The following AMD1 variants were observed in gnomAD, a reference collection of about 807,000 sequenced individuals.
The protein encoded by AMD1 is adenosylmethionine decarboxylase 1.
A neutral mutation model predicts 40.2 loss-of-function variants in AMD1; 11 were observed. That is an observed-to-expected ratio of 0.27 (90% CI 0.17 to 0.45). AMD1 has a LOEUF of 0.45. Ranked by LOEUF, AMD1 falls within the 20% of genes least tolerant of loss-of-function variation. The pLI, the probability that AMD1 is intolerant of heterozygous loss-of-function variation, is 1.00. For synonymous variants in AMD1, 121 were observed against 130.8 expected (o/e 0.93, Z 0.51); for missense variants, 257 against 410.2 (o/e 0.63, Z 3.23).
At chr6:110,887,676 C>T (rs1206667114) in intron 2 of AMD1, 85 bp downstream of exon 2, 4 of 1,009,074 alleles carry the variant, frequency 4.0e-6, no homozygotes, top group East Asian at 5.6e-5. Context: ...AGTTGTAGTT[C>T]TGGGGGTTTT....
At chr6:110,889,018 T>C (rs1466845892) in intron 3 of AMD1, 35 bp downstream of exon 3, 1 of 1,606,128 alleles carries the variant, frequency 6.2e-7, no homozygotes, top group Non-Finnish European at 8.5e-7. Context: ...TTTTCAGGCA[T>C]AAATGTTAGC....
chr6:110,826,015 A>T, the AMD1 span, among the ~76,000 whole-genome samples: 1 of 151,906 alleles, frequency 6.6e-6, no homozygotes, highest in Non-Finnish European at 1.5e-5. Flanking sequence ...AAAAAATTAT[A>T]AAATTAGACA....
chr6:110,846,257 A>T, the AMD1 span, among the ~76,000 whole-genome samples: 1 of 152,126 alleles, frequency 6.6e-6, no homozygotes, highest in Non-Finnish European at 1.5e-5. Flanking sequence ...CAACAACAAA[A>T]ACTGAATTTA....
At chr6:110,884,044 C>T (rs1300313786) in intron 1 of AMD1, among the ~76,000 whole-genome samples, 1 of 152,146 alleles carries the variant, frequency 6.6e-6, no homozygotes, top group Non-Finnish European at 1.5e-5. Context: ...TGGATCTGAC[C>T]CTAAACAGCA....
the AMD1 span, among the ~76,000 whole-genome samples, chr6:110,861,238 G>C: frequency 6.6e-6 from 1 of 151,782 alleles, no homozygotes; most frequent in Non-Finnish European, 1.5e-5. Context: ...GGCGCCTGTA[G>C]TCCCAGCTAC....
intron 8 of AMD1, 82 bp from the exon 9 acceptor site, chr6:110,893,394 A>G (rs1786142008): frequency 1.3e-6 from 2 of 1,551,394 alleles, no homozygotes; most frequent in Middle Eastern, 1.7e-4. Flanking sequence ...TCATTAAGAT[A>G]AAAGTCTGTC....
At chr6:110,868,438 C>T in the AMD1 span, among the ~76,000 whole-genome samples, 1,625 of 152,182 alleles carry the variant, frequency 0.011, 28 homozygotes, top group African/African-American at 0.038. Context: ...CGTGAGCCAC[C>T]GGGCCCGGAC....
Position 110,893,070 on chromosome 6 carries a change from T to C in AMD1, c.864+5T>C, listed in dbSNP as rs1456870892. The C allele has an allele frequency of 1.9e-6, 3 of 1,585,396 alleles. No individual in the cohort carries two copies. The highest frequency in any genetic ancestry group is 2.6e-6 in the Non-Finnish European group (3 of 1,168,638). ...ACCACCTTGTTTGTTAATCAGGTAA[T>C]TTTATATTTTATTATTAATCAGGTT... On this transcript the variant is annotated splice_donor_5th_base_variant and intron_variant, in intron 8 of 8. Coordinates refer to ENST00000368885, the MANE Select transcript of AMD1 (RefSeq NM_001634.6).
the AMD1 span, chr6:110,858,594 A>G: frequency 5.7e-6 from 9 of 1,585,006 alleles, no homozygotes; most frequent in South Asian, 1.0e-4. Flanking sequence ...AACATGACGC[A>G]GCTGCAGGTG....
the AMD1 span, chr6:110,858,553 G>C: frequency 1.3e-6 from 2 of 1,597,808 alleles, no homozygotes; most frequent in Non-Finnish European, 1.7e-6. Context: ...CCGTGGACCT[G>C]TTCGATGCCA....
the AMD1 span, among the ~76,000 whole-genome samples, chr6:110,863,664 C>T: frequency 6.6e-6 from 1 of 152,080 alleles, no homozygotes; most frequent in African/African-American, 2.4e-5. Context: ...GCCACCGCGC[C>T]CGGCCTGATT....
At chr6:110,863,135 C>T in the AMD1 span, among the ~76,000 whole-genome samples, 3 of 151,456 alleles carry the variant, frequency 2.0e-5, no homozygotes, top group Non-Finnish European at 4.4e-5. Context: ...TTAGTAGAGA[C>T]GGGGTTTCAC....
At position 110,875,150 on chromosome 6, in the gene AMD1, G is replaced by A. The variant is rs368178349; in HGVS notation, c.45G>A (p.Glu15=). 12 of 1,613,508 alleles carry A rather than the reference G, an allele frequency of 7.4e-6. No homozygotes were observed. The African/African-American group carries it at 1.6e-4, about 22-fold the overall frequency. ...HFFEGTEKLL[E]VWFSRQQPDA... is the part of the protein sequence containing the mutation. Reference sequence around the variant, plus strand: ...TCGAAGGGACCGAGAAGCTGCTGGAGGTTTGGTTCTCCCGGCAGCAGCCCG... The same window carrying A: ...TCGAAGGGACCGAGAAGCTGCTGGAAGTTTGGTTCTCCCGGCAGCAGCCCG... Residue 15 remains glutamate (E), a synonymous_variant, in exon 1 of 9, where the codon GAG becomes GAA. Transcript: ENST00000368885.
the AMD1 span, chr6:110,858,963 T>G: frequency 2.5e-5 from 27 of 1,099,540 alleles, no homozygotes; most frequent in Non-Finnish European, 3.5e-5. Context: ...CTCCTCCATG[T>G]CGCTGCAGAT....
intron 1 of AMD1, among the ~76,000 whole-genome samples, chr6:110,877,858 T>A (rs1305583504): frequency 6.6e-6 from 1 of 152,116 alleles, no homozygotes; most frequent in Non-Finnish European, 1.5e-5. Context: ...ACAGATGGAA[T>A]TAAACAAATC....
At chr6:110,829,736 C>T in the AMD1 span, among the ~76,000 whole-genome samples, 1 of 151,872 alleles carries the variant, frequency 6.6e-6, no homozygotes, top group African/African-American at 2.4e-5. Context: ...GTCCCAGCTA[C>T]TTGAGAGGCT....
chr6:110,891,108 T>A (rs1785993938), intron 4 of AMD1: 1 of 152,212 alleles, frequency 6.6e-6, no homozygotes, highest in Non-Finnish European at 1.5e-5. Flanking sequence ...CTTTTTGCGT[T>A]TTTGTTTGAG....
At chr6:110,888,604 C>T (rs113975081) in intron 2 of AMD1, 27 of 255,460 alleles carry the variant, frequency 1.1e-4, no homozygotes, top group African/African-American at 5.9e-4. Context: ...CTGTGCCTGG[C>T]CTCTCTCTTT....
At chr6:110,814,809 G>C in the AMD1 span, 5 of 716,556 alleles carry the variant, frequency 7.0e-6, no homozygotes, top group Non-Finnish European at 1.2e-5. Context: ...CGCCGCGGGA[G>C]TTCGAGGTAC....
Sources: allele counts gnomAD v4.1 joint callset (sites outside exome capture counted in the v4.1 genomes callset), GRCh38; gene constraint gnomAD v4.1.1; transcripts MANE v1.5; gene names NCBI Gene and HGNC (gene_info 2026-07-23, HGNC 2026-07-21).